The following ANKS1B variants were observed in gnomAD, a reference collection of about 807,000 sequenced individuals.
ANKS1B encodes the protein ankyrin repeat and sterile alpha motif domain containing 1B.
ANKS1B carries 36 observed loss-of-function variants against 148.3 expected under a neutral mutation model. The ratio of observed to expected loss-of-function variants is 0.24; its 90% CI spans 0.19 to 0.32. The LOEUF (loss-of-function observed/expected upper bound fraction) is 0.32, where lower values mean the gene tolerates loss of function less well. Ranked by LOEUF, ANKS1B falls within the 10% of genes least tolerant of loss-of-function variation. The pLI is 1.00. For synonymous variants in ANKS1B, 542 were observed against 560.8 expected, an observed-to-expected ratio of 0.97 and a Z score of 0.47; for missense variants, 1,157 against 1,542.6, an observed-to-expected ratio of 0.75 and a Z score of 4.19.
chr12:98,761,806 C>T (rs1427448979), intron 25 of ANKS1B, among the ~76,000 whole-genome samples: 5 of 152,102 alleles, frequency 3.3e-5, no homozygotes, highest in East Asian at 3.9e-4. Flanking sequence ...GCGAATATGA[C>T]GAAGGAGTAA....
chr12:98,797,106 G>A (rs1466301155), intron 22 of ANKS1B, among the ~76,000 whole-genome samples: 1 of 152,198 alleles, frequency 6.6e-6, no homozygotes, highest in Non-Finnish European at 1.5e-5. Flanking sequence ...GAGGCTTGAT[G>A]AATGAAAACT....
At position 99,401,332 on chromosome 12, in the gene ANKS1B, T is replaced by C. The variant is rs768819335; in HGVS notation, c.1576-1521A>G. 2.7e-5 allele frequency among the ~76,000 whole-genome samples: 4 copies of C among 146,446 alleles called. 1 individual carries two copies. The highest frequency in any genetic ancestry group is 4.5e-5 in the Non-Finnish European group (3 of 66,244). ...ATTAGAAAGGCATGAGCTATAGCGC[T>C]GGCTCCAATGGAGCCCATCATTCTA... On this transcript the variant is annotated intron_variant, in intron 11 of 26. Coordinates refer to ENST00000683438, the MANE Select transcript of ANKS1B (RefSeq NM_001352186.2).
chr12:99,168,745 A>G (rs748820347), intron 14 of ANKS1B, among the ~76,000 whole-genome samples: 2 of 152,098 alleles, frequency 1.3e-5, no homozygotes, highest in Non-Finnish European at 2.9e-5. Context: ...CCTGCTCTAT[A>G]TTGTAATGCC....
At chr12:98,858,729 C>T (rs983462243) in intron 17 of ANKS1B, among the ~76,000 whole-genome samples, 2 of 152,136 alleles carry the variant, frequency 1.3e-5, no homozygotes, top group African/African-American at 4.8e-5. Context: ...GAATCTGACC[C>T]TCACTCCATG....
intron 16 of ANKS1B, among the ~76,000 whole-genome samples, chr12:99,082,499 T>C (rs1437792014): frequency 6.6e-6 from 1 of 152,150 alleles, no homozygotes; most frequent in Non-Finnish European, 1.5e-5. Flanking sequence ...AAGCAGGGTA[T>C]AGCATGACCT....
chr12:99,233,842 G>A (rs966964513), intron 14 of ANKS1B, among the ~76,000 whole-genome samples: 1 of 151,918 alleles, frequency 6.6e-6, no homozygotes, highest in Non-Finnish European at 1.5e-5. Flanking sequence ...ACTTTGAGTG[G>A]GTTCATATTT....
At chr12:98,847,744 C>T (rs979255355) in intron 17 of ANKS1B, among the ~76,000 whole-genome samples, 4 of 152,072 alleles carry the variant, frequency 2.6e-5, no homozygotes, top group Admixed American at 1.3e-4. Flanking sequence ...TACAGGCATG[C>T]GCCACCATGC....
chr12:99,155,069 C>A, intron 14 of ANKS1B: 1 of 1,534,504 alleles, frequency 6.5e-7, no homozygotes, highest in Non-Finnish European at 8.7e-7. Flanking sequence ...TGAATTGAAT[C>A]TTCATACTGG....
At chr12:99,837,289 GA>G (rs1464145241) in intron 1 of ANKS1B, among the ~76,000 whole-genome samples, 1 of 152,162 alleles carries the variant, frequency 6.6e-6, no homozygotes, top group Non-Finnish European at 1.5e-5. Flanking sequence ...TTAGCCCAGT[GA>G]GAACCACAGA....
intron 1 of ANKS1B, among the ~76,000 whole-genome samples, chr12:99,904,579 T>C (rs1351855088): frequency 2.0e-5 from 3 of 152,176 alleles, no homozygotes; most frequent in Admixed American, 2.0e-4. Context: ...TATCACCTAT[T>C]TCCCTACTTG....
chr12:98,755,530 A>G (rs1386424917), intron 25 of ANKS1B, among the ~76,000 whole-genome samples: 2 of 152,216 alleles, frequency 1.3e-5, no homozygotes, highest in African/African-American at 4.8e-5. Flanking sequence ...ATGAATATCC[A>G]CAGGACTAAC....
intron 4 of ANKS1B, among the ~76,000 whole-genome samples, chr12:99,783,190 C>CAAAAAAAAAAAA (rs766608067): frequency 1.6e-5 from 1 of 62,426 alleles, no homozygotes; most frequent in African/African-American, 5.8e-5. Flanking sequence ...GAATCCATCG[C>CAAAAAAAAAAAA]AAAAAAAAAA....
At chr12:99,294,656 A>C (rs562470359) in intron 12 of ANKS1B, among the ~76,000 whole-genome samples, 9 of 151,862 alleles carry the variant, frequency 5.9e-5, no homozygotes, top group South Asian at 2.1e-4. Context: ...AAATTATTGC[A>C]CTTCTTTTTT....
In ANKS1B at chr12:98,842,114, G is replaced by A. The variant is rs7963149; in HGVS notation, c.2779-9978C>T. On this transcript the variant is annotated intron_variant, in intron 17 of 26. Coordinates refer to ENST00000683438, the MANE Select transcript of ANKS1B (RefSeq NM_001352186.2). ...TGAATACATATGCCCACATAAAGAT[G>A]TGTACATGAATGTTTAAGCAACATT... Among the ~76,000 whole-genome samples, 534 of 152,284 alleles carry A rather than the reference G, an allele frequency of 3.5e-3. 3 individuals are homozygous for A. The highest frequency in any genetic ancestry group is 0.013 in the African/African-American group (525 of 41,546).
intron 15 of ANKS1B, among the ~76,000 whole-genome samples, chr12:99,121,223 CAG>C (rs2062727585): frequency 6.6e-6 from 1 of 150,834 alleles, no homozygotes; most frequent in African/African-American, 2.4e-5. Flanking sequence ...AGAGAAAAGA[CAG>C]AGGCTGAAGA....
intron 17 of ANKS1B, among the ~76,000 whole-genome samples, chr12:98,877,772 T>C (rs2099695159): frequency 6.6e-6 from 1 of 152,250 alleles, no homozygotes; most frequent in African/African-American, 2.4e-5. Flanking sequence ...ACTGTCATAC[T>C]TGCTAATGTG....
At chr12:98,939,439 C>T (rs539977) in intron 17 of ANKS1B, among the ~76,000 whole-genome samples, 130,312 of 152,236 alleles carry the variant, frequency 0.86, 56,091 homozygotes, top group Middle Eastern at 0.94. Context: ...GTGCCATTGG[C>T]CATTGCGGTT....
chr12:99,193,240 A>G (rs898430275), intron 14 of ANKS1B, among the ~76,000 whole-genome samples: 3 of 148,866 alleles, frequency 2.0e-5, no homozygotes, highest in Admixed American at 1.4e-4. Context: ...AGACTGCAGA[A>G]GCAGGAAGGT....
chr12:99,634,914 A>C (rs1371911960), intron 9 of ANKS1B, among the ~76,000 whole-genome samples: 2 of 152,170 alleles, frequency 1.3e-5, no homozygotes, highest in Non-Finnish European at 2.9e-5. Context: ...AACTCCTACA[A>C]CTCAACAAAA....
Sources: gnomAD v4.1 joint callset for allele counts (sites outside exome capture counted in the v4.1 genomes callset) on GRCh38, gnomAD v4.1.1 for gene constraint, MANE v1.5 for transcripts, NCBI Gene and HGNC (gene_info 2026-07-23, HGNC 2026-07-21) for gene names.